Variants in IGSF11 observed in about 807,000 individuals in gnomAD.
IGSF11 encodes immunoglobulin superfamily member 11, also known as CXADR like 1.
Under a neutral mutation model 41.0 loss-of-function variants are expected in IGSF11, and 22 were observed. The ratio of observed to expected loss-of-function variants is 0.54; its 90% CI spans 0.38 to 0.77. The LOEUF is 0.77. IGSF11 is among the 30% of genes least tolerant of loss of function. The pLI is 0.00. For missense variants in IGSF11, 444 were observed against 530.8 expected, an observed-to-expected ratio of 0.84 and a Z score of 1.61; for synonymous variants, 219 against 201.3, an observed-to-expected ratio of 1.09 and a Z score of -0.74.
Position 119,067,148 on chromosome 3 carries a change from AG to A in IGSF11, c.49+37995del, listed in dbSNP as rs541208686. ...TCCATGTATTTAAAAAATGATACAA[AG>A]CTCCAAGTAATGTTATCTTTCACCA... On this transcript the variant is annotated intron_variant, in intron 1 of 6. Coordinates refer to the IGSF11 transcript ENST00000354673. 5.3e-5 allele frequency among the ~76,000 whole-genome samples: 8 copies of A among 152,318 alleles called. No individual in the cohort carries two copies. The South Asian group carries it at 1.7e-3, about 32-fold the overall frequency.
upstream of IGSF11, chr3:119,034,918 C>T (rs1281641348): frequency 4.3e-6 from 4 of 934,674 alleles, no homozygotes; most frequent in Non-Finnish European, 1.3e-6. Context: ...CGCAGCTCGG[C>T]TCCTCGCCGC....
At chr3:119,092,584 C>T (rs1448036916) in intron 1 of IGSF11, among the ~76,000 whole-genome samples, 2 of 152,138 alleles carry the variant, frequency 1.3e-5, no homozygotes, top group Non-Finnish European at 2.9e-5. Flanking sequence ...CTCCTCTCAG[C>T]CTCCCAAAGT....
intron 1 of IGSF11, among the ~76,000 whole-genome samples, chr3:119,018,808 G>C (rs1317314381): frequency 6.6e-6 from 1 of 152,236 alleles, no homozygotes; most frequent in East Asian, 1.9e-4. Flanking sequence ...AAGAAGAAAT[G>C]TGTGAGACTC....
At chr3:118,981,617 T>G (rs1934726114) in intron 1 of IGSF11, among the ~76,000 whole-genome samples, 1 of 152,138 alleles carries the variant, frequency 6.6e-6, no homozygotes, top group Admixed American at 6.5e-5. Flanking sequence ...TGGTGACCAC[T>G]TCCCTGTGGG....
At chr3:119,112,502 C>T (rs1375930211) in intron 1 of IGSF11, 1 of 152,392 alleles carries the variant, frequency 6.6e-6, no homozygotes, top group African/African-American at 2.4e-5. Flanking sequence ...TCTGTCACCC[C>T]TTTCCTTGAC....
intron 1 of IGSF11, among the ~76,000 whole-genome samples, chr3:118,971,763 A>G (rs1318886078): frequency 6.6e-6 from 1 of 150,842 alleles, no homozygotes; most frequent in Non-Finnish European, 1.5e-5. Flanking sequence ...AGATCACGCC[A>G]CTGCACTCCA....
chr3:119,013,082 T>C (rs1938317286), intron 1 of IGSF11: 2 of 152,364 alleles, frequency 1.3e-5, no homozygotes, highest in African/African-American at 4.8e-5. Context: ...ACCCATTCTC[T>C]TTGCCCAGAA....
chr3:119,045,141 C>T (rs559694632), intron 1 of IGSF11, among the ~76,000 whole-genome samples: 5 of 152,310 alleles, frequency 3.3e-5, no homozygotes, highest in East Asian at 1.9e-4. Flanking sequence ...AAGGGAGGAG[C>T]CCAGATGGCC....
intron 1 of IGSF11, among the ~76,000 whole-genome samples, chr3:119,054,440 A>G (rs948234484): frequency 6.6e-6 from 1 of 152,252 alleles, no homozygotes; most frequent in Non-Finnish European, 1.5e-5. Context: ...AATGCTCAAC[A>G]TCACTAATTA....
At chr3:118,916,010 T>C (rs1174406261) in intron 4 of IGSF11, among the ~76,000 whole-genome samples, 1 of 140,484 alleles carries the variant, frequency 7.1e-6, no homozygotes, top group Non-Finnish European at 1.5e-5. Flanking sequence ...CAAACTAAGC[T>C]TCATAAGTGA....
intron 1 of IGSF11, among the ~76,000 whole-genome samples, chr3:118,936,460 T>C (rs1201777449): frequency 1.3e-5 from 2 of 151,454 alleles, no homozygotes; most frequent in Non-Finnish European, 2.9e-5. Flanking sequence ...TGAGCCAAGA[T>C]TGCACTACTG....
chr3:119,131,157 G>A (rs538972169), intron 1 of IGSF11, among the ~76,000 whole-genome samples: 20 of 152,246 alleles, frequency 1.3e-4, no homozygotes, highest in Admixed American at 7.8e-4. Flanking sequence ...CCAAAGGATC[G>A]CAGCTCCTTG....
intron 1 of IGSF11, among the ~76,000 whole-genome samples, chr3:118,976,301 G>A (rs1193375824): frequency 1.3e-5 from 2 of 152,170 alleles, no homozygotes; most frequent in African/African-American, 4.8e-5. Flanking sequence ...TTAAAAATTA[G>A]TTTGTTTTCC....
At chr3:119,000,165 A>G (rs1197771418) in intron 1 of IGSF11, among the ~76,000 whole-genome samples, 1 of 146,822 alleles carries the variant, frequency 6.8e-6, no homozygotes, top group East Asian at 2.0e-4. Flanking sequence ...GCTCTTCTCA[A>G]TCTCCTTTGC....
chr3:118,921,828 G>A (rs17738897), intron 4 of IGSF11, among the ~76,000 whole-genome samples: 3 of 152,056 alleles, frequency 2.0e-5, no homozygotes, highest in Non-Finnish European at 2.9e-5. Context: ...TGTACCATTA[G>A]AGAAATTAAA....
chr3:119,025,071 G>C (rs978267938), intron 1 of IGSF11, among the ~76,000 whole-genome samples: 2 of 152,122 alleles, frequency 1.3e-5, no homozygotes, highest in African/African-American at 4.8e-5. Flanking sequence ...TTCTACAACA[G>C]ATGGAGATAG....
At chr3:118,911,510 T>G (rs947016068) in intron 4 of IGSF11, among the ~76,000 whole-genome samples, 4 of 152,164 alleles carry the variant, frequency 2.6e-5, no homozygotes, top group Admixed American at 2.6e-4. Context: ...TTGGTCAACA[T>G]AGCAAGGCCC....
chr3:118,939,003 A>C (rs1311468751), intron 1 of IGSF11, among the ~76,000 whole-genome samples: 1 of 152,244 alleles, frequency 6.6e-6, no homozygotes, highest in Non-Finnish European at 1.5e-5. Flanking sequence ...TGACTGCAAC[A>C]CGTCTCAATC....
chr3:118,932,321 T>C (rs900383094), intron 1 of IGSF11, among the ~76,000 whole-genome samples: 7 of 152,236 alleles, frequency 4.6e-5, no homozygotes, highest in Admixed American at 1.3e-4. Context: ...TTTGAAGTGA[T>C]AGTATCTCAA....
Sources: gnomAD v4.1 joint callset for allele counts (sites outside exome capture counted in the v4.1 genomes callset) on GRCh38, gnomAD v4.1.1 for gene constraint, MANE v1.5 for transcripts, NCBI Gene and HGNC (gene_info 2026-07-23, HGNC 2026-07-21) for gene names.